The following ARHGEF3 variants were observed in gnomAD, a reference collection of about 807,000 sequenced individuals.
ARHGEF3 encodes 59.8 kDA protein.
Under a neutral mutation model 63.2 loss-of-function variants are expected in ARHGEF3, and 28 were observed. That is an observed-to-expected ratio of 0.44 (90% CI 0.33 to 0.61). The LOEUF is 0.61. Ranked by LOEUF, ARHGEF3 falls within the 20% of genes least tolerant of loss-of-function variation. The pLI, the probability that ARHGEF3 is intolerant of heterozygous loss-of-function variation, is 0.03. For missense variants in ARHGEF3, 533 were observed against 659.3 expected, an observed-to-expected ratio of 0.81 and a Z score of 2.10; for synonymous variants, 266 against 254.2, an observed-to-expected ratio of 1.05 and a Z score of -0.44.
intron 3 of ARHGEF3, among the ~76,000 whole-genome samples, chr3:56,900,071 G>T (rs372749636): frequency 6.6e-6 from 1 of 152,136 alleles, no homozygotes; most frequent in Non-Finnish European, 1.5e-5. Context: ...GGGAGTGAAC[G>T]GGAAGTGAAG....
chr3:57,067,456 A>G (rs1705610868), intron 1 of ARHGEF3, among the ~76,000 whole-genome samples: 1 of 104,060 alleles, frequency 9.6e-6, no homozygotes, highest in Admixed American at 8.6e-5. Context: ...CTGTCTCAAA[A>G]TAATAATAAT....
chr3:56,981,126 G>T (rs1292123925), intron 2 of ARHGEF3, among the ~76,000 whole-genome samples: 2 of 152,184 alleles, frequency 1.3e-5, no homozygotes, highest in Non-Finnish European at 2.9e-5. Flanking sequence ...AAATACATTG[G>T]TATGTGTCTG....
In ARHGEF3 at chr3:56,729,184, G is replaced by T; in HGVS notation, c.*86C>A. On this transcript the variant is annotated 3_prime_UTR_variant, in exon 10 of 10. Transcript: ENST00000296315. ...TATACTTTCACAAAAGTATGAAAAA[G>T]TGCTTCTCCAAACCGTTCCATCTGT... is the stretch of plus-strand genomic sequence containing the variant. The T allele has an allele frequency of 8.3e-7, 1 of 1,201,670 alleles. No individual in the cohort carries two copies. The highest frequency in any genetic ancestry group is 1.2e-6 in the Non-Finnish European group (1 of 863,136). 74.4% of individuals were successfully genotyped at this position (1,201,670 alleles called of 1,614,324 possible).
chr3:57,034,188 C>A (rs570589052), intron 2 of ARHGEF3, among the ~76,000 whole-genome samples: 16 of 151,502 alleles, frequency 1.1e-4, no homozygotes, highest in African/African-American at 3.6e-4. Context: ...AGTGGCTATT[C>A]ACAAGTGCAA....
At chr3:56,980,732 C>T (rs1213604656) in intron 2 of ARHGEF3, among the ~76,000 whole-genome samples, 4 of 152,214 alleles carry the variant, frequency 2.6e-5, no homozygotes, top group African/African-American at 7.2e-5. Context: ...TGTTCTCCTA[C>T]GAGTGGGTGC....
intron 3 of ARHGEF3, among the ~76,000 whole-genome samples, chr3:56,926,189 T>C (rs2108380016): frequency 6.6e-6 from 1 of 151,850 alleles, no homozygotes; most frequent in Non-Finnish European, 1.5e-5. Context: ...TGTATAGGAG[T>C]TGCCAGGCTG....
intron 9 of ARHGEF3, chr3:56,731,813 T>C: frequency 3.9e-6 from 1 of 256,024 alleles, no homozygotes; most frequent in South Asian, 7.5e-5. Flanking sequence ...TGAATCCACA[T>C]TCCAGTTGAC....
At chr3:56,917,786 G>T (rs1054357885) in intron 3 of ARHGEF3, among the ~76,000 whole-genome samples, 2 of 152,204 alleles carry the variant, frequency 1.3e-5, no homozygotes, top group Non-Finnish European at 2.9e-5. Context: ...ACTTTAATAG[G>T]TCTGGAAGCT....
intron 4 of ARHGEF3, among the ~76,000 whole-genome samples, chr3:56,875,223 C>A (rs183262174): frequency 6.6e-6 from 1 of 152,134 alleles, no homozygotes; most frequent in Non-Finnish European, 1.5e-5. Context: ...TCAACAGTAG[C>A]TGCTCTTGTT....
intron 3 of ARHGEF3, among the ~76,000 whole-genome samples, chr3:56,923,096 C>A (rs1422542536): frequency 7.5e-6 from 1 of 133,638 alleles, no homozygotes; most frequent in East Asian, 2.1e-4. Flanking sequence ...GGCATGGTGG[C>A]GTGTGCCTAT....
At chr3:56,897,306 T>C (rs752889044) in intron 3 of ARHGEF3, among the ~76,000 whole-genome samples, 3 of 152,174 alleles carry the variant, frequency 2.0e-5, no homozygotes, top group Non-Finnish European at 2.9e-5. Context: ...TCATTACTTT[T>C]TGATACAAAA....
At chr3:57,016,897 G>A (rs1703028363) in intron 2 of ARHGEF3, among the ~76,000 whole-genome samples, 1 of 152,016 alleles carries the variant, frequency 6.6e-6, no homozygotes, top group African/African-American at 2.4e-5. Flanking sequence ...TCAGCTGGTG[G>A]GAACCAAGAA....
At chr3:57,050,667 G>A (rs1029107190) in intron 1 of ARHGEF3, among the ~76,000 whole-genome samples, 3 of 152,324 alleles carry the variant, frequency 2.0e-5, no homozygotes, top group South Asian at 2.1e-4. Flanking sequence ...GAACACCACA[G>A]AAGGGAGCAA....
At chr3:56,768,117 C>T (rs150507623) in intron 2 of ARHGEF3, among the ~76,000 whole-genome samples, 8 of 152,078 alleles carry the variant, frequency 5.3e-5, no homozygotes, top group Admixed American at 1.3e-4. Flanking sequence ...AGTACAGTGG[C>T]GCAATCTCTG....
intron 1 of ARHGEF3, among the ~76,000 whole-genome samples, chr3:57,056,993 G>C (rs1408251327): frequency 6.6e-6 from 1 of 151,660 alleles, no homozygotes; most frequent in African/African-American, 2.4e-5. Flanking sequence ...TTTCCTTTAG[G>C]TCTAAACACA....
At chr3:56,855,116 G>C (rs1255631507) in intron 4 of ARHGEF3, among the ~76,000 whole-genome samples, 2 of 151,976 alleles carry the variant, frequency 1.3e-5, no homozygotes, top group African/African-American at 4.8e-5. Flanking sequence ...CAGAGGAGGG[G>C]AAAAGGAGGA....
chr3:56,865,891 T>C (rs1200000518), intron 4 of ARHGEF3, among the ~76,000 whole-genome samples: 2 of 152,162 alleles, frequency 1.3e-5, no homozygotes, highest in Non-Finnish European at 2.9e-5. Context: ...CAGGCTATGG[T>C]ATTTTGTTAT....
chr3:57,039,756 C>T (rs983169930), intron 1 of ARHGEF3, among the ~76,000 whole-genome samples: 3 of 152,284 alleles, frequency 2.0e-5, no homozygotes, highest in Admixed American at 2.0e-4. Flanking sequence ...TCTTCTCTTT[C>T]CTCTGCTTTA....
intron 1 of ARHGEF3, among the ~76,000 whole-genome samples, chr3:57,069,112 G>A (rs187124614): frequency 2.2e-4 from 33 of 152,000 alleles, no homozygotes; most frequent in East Asian, 1.9e-4. Context: ...TAGCAGAGAC[G>A]GGGTTTCACC....
Sources: allele counts gnomAD v4.1 joint callset (sites outside exome capture counted in the v4.1 genomes callset), GRCh38; gene constraint gnomAD v4.1.1; transcripts MANE v1.5; gene names NCBI Gene and HGNC (gene_info 2026-07-23, HGNC 2026-07-21).